NKAIN2: variants seen among roughly 807,000 people sequenced by gnomAD.
NKAIN2 encodes sodium/potassium transporting ATPase interacting 2, also known as sodium/potassium-transporting ATPase subunit beta-1-interacting protein 2.
A neutral mutation model predicts 32.6 loss-of-function variants in NKAIN2; 14 were observed. The observed-to-expected ratio is 0.43, with a 90% CI of 0.28 to 0.67. The LOEUF is 0.67. Among genes scored for constraint, NKAIN2 ranks in the 30% least tolerant of loss-of-function variants. NKAIN2 has a pLI of 0.17. For missense variants in NKAIN2, 198 were observed against 258.3 expected (o/e 0.77, Z 1.60); for synonymous variants, 80 against 87.2 (o/e 0.92, Z 0.46).
At chr6:124,131,718 G>A (rs1203723476) in intron 1 of NKAIN2, among the ~76,000 whole-genome samples, 9 of 152,132 alleles carry the variant, frequency 5.9e-5, no homozygotes, top group Non-Finnish European at 1.3e-4. Flanking sequence ...GAGCCTTGTA[G>A]GCACTCCTAG....
chr6:124,421,742 T>A (rs1774759984), intron 3 of NKAIN2, among the ~76,000 whole-genome samples: 1 of 152,034 alleles, frequency 6.6e-6, no homozygotes, highest in South Asian at 2.1e-4. Flanking sequence ...TAATAGAAGG[T>A]AAGGGTTATT....
At chr6:124,744,814 T>A (rs1423813698) in intron 4 of NKAIN2, among the ~76,000 whole-genome samples, 6 of 151,880 alleles carry the variant, frequency 4.0e-5, no homozygotes, top group Admixed American at 3.9e-4. Flanking sequence ...CTTCAGCATT[T>A]TCTATCAGTA....
intron 1 of NKAIN2, among the ~76,000 whole-genome samples, chr6:124,038,741 A>G (rs1286423478): frequency 6.6e-6 from 1 of 152,178 alleles, no homozygotes; most frequent in African/African-American, 2.4e-5. Flanking sequence ...AATTTTTGTA[A>G]TATATAACTT....
rs567691028 is a variant in NKAIN2, at chr6:124,517,565, G to A, written c.274-140621G>A. 2.0e-5 allele frequency among the ~76,000 whole-genome samples: 3 copies of A among 152,234 alleles called. No individual in the cohort carries two copies. In the East Asian group the frequency reaches 5.8e-4, roughly 29 times the overall value. On this transcript the variant is annotated intron_variant, in intron 3 of 6. Coordinates refer to ENST00000368417, the MANE Select transcript of NKAIN2 (RefSeq NM_001040214.3). Reference sequence around the variant, plus strand: ...CCCTTCGAGGCAAGGCAGACAGGAAGAATAGCAAGGCCTCTACTCTGCTCC... The same window carrying A: ...CCCTTCGAGGCAAGGCAGACAGGAAAAATAGCAAGGCCTCTACTCTGCTCC...
At chr6:124,738,833 C>T (rs1478544746) in intron 4 of NKAIN2, among the ~76,000 whole-genome samples, 1 of 151,816 alleles carries the variant, frequency 6.6e-6, no homozygotes, top group Non-Finnish European at 1.5e-5. Flanking sequence ...GTTATAAGAA[C>T]TAAAGGACAT....
chr6:124,793,678 TCAAA>T (rs1190780597), intron 5 of NKAIN2, among the ~76,000 whole-genome samples: 6 of 57,460 alleles, frequency 1.0e-4, no homozygotes, highest in East Asian at 4.2e-4. Context: ...GACATACTGC[TCAAA>T]AAAAAAAAAA....
chr6:124,701,172 C>CAA (rs1774772097), intron 4 of NKAIN2, among the ~76,000 whole-genome samples: 1 of 151,206 alleles, frequency 6.6e-6, no homozygotes, highest in South Asian at 2.1e-4. Flanking sequence ...CACACACACA[C>CAA]ACACACCGGA....
At chr6:124,123,890 G>T (rs777463819) in intron 1 of NKAIN2, among the ~76,000 whole-genome samples, 1 of 151,898 alleles carries the variant, frequency 6.6e-6, no homozygotes, top group Non-Finnish European at 1.5e-5. Flanking sequence ...GAGACATTGA[G>T]AGAGAGAGAG....
chr6:124,273,513 G>C (rs139017547), intron 1 of NKAIN2, among the ~76,000 whole-genome samples: 1 of 152,242 alleles, frequency 6.6e-6, no homozygotes, highest in African/African-American at 2.4e-5. Flanking sequence ...CTTTATAGCA[G>C]TGTGAAAATG....
intron 4 of NKAIN2, among the ~76,000 whole-genome samples, chr6:124,744,501 G>A (rs747942343): frequency 1.3e-5 from 2 of 151,646 alleles, no homozygotes; most frequent in Admixed American, 6.6e-5. Flanking sequence ...AAGTAGGTCC[G>A]AATCTATTTA....
intron 3 of NKAIN2, among the ~76,000 whole-genome samples, chr6:124,603,705 C>G (rs534597693): frequency 1.3e-5 from 2 of 151,806 alleles, no homozygotes; most frequent in African/African-American, 4.8e-5. Context: ...AATTTATTAC[C>G]CAAACTGATA....
intron 3 of NKAIN2, among the ~76,000 whole-genome samples, chr6:124,581,913 A>T (rs184705864): frequency 6.6e-6 from 1 of 152,318 alleles, no homozygotes; most frequent in Non-Finnish European, 1.5e-5. Flanking sequence ...TACATTTAAA[A>T]AGAAAATAAA....
chr6:124,717,663 C>A (rs926564744), intron 4 of NKAIN2, among the ~76,000 whole-genome samples: 2 of 152,046 alleles, frequency 1.3e-5, no homozygotes, highest in Non-Finnish European at 2.9e-5. Context: ...AAAACCATCC[C>A]TTCGTAATTA....
At chr6:124,064,193 C>A (rs147932324) in intron 1 of NKAIN2, among the ~76,000 whole-genome samples, 2 of 152,084 alleles carry the variant, frequency 1.3e-5, no homozygotes, top group Non-Finnish European at 1.5e-5. Flanking sequence ...CCTTGTCATC[C>A]GCCCACCTCA....
intron 1 of NKAIN2, among the ~76,000 whole-genome samples, chr6:124,137,918 A>G (rs150420675): frequency 0.011 from 1,649 of 152,290 alleles, 34 homozygotes; most frequent in African/African-American, 0.038. Flanking sequence ...ATTCTAGAAG[A>G]TAACATTGGT....
At chr6:123,920,999 G>C (rs764509567) in intron 1 of NKAIN2, among the ~76,000 whole-genome samples, 2 of 152,134 alleles carry the variant, frequency 1.3e-5, no homozygotes, top group Admixed American at 6.6e-5. Context: ...CTGTGGGGTG[G>C]AGTGGCAAAA....
At chr6:124,514,321 G>A (rs1391632712) in intron 3 of NKAIN2, among the ~76,000 whole-genome samples, 1 of 152,098 alleles carries the variant, frequency 6.6e-6, no homozygotes, top group Non-Finnish European at 1.5e-5. Context: ...GTAAGGATTG[G>A]ACAATACCCC....
Position 124,799,517 on chromosome 6 carries a change from A to C in NKAIN2, c.535+8118A>C, listed in dbSNP as rs2786914. Among the ~76,000 whole-genome samples, 4 of 152,224 alleles carry C rather than the reference A, an allele frequency of 2.6e-5. No individual in the cohort carries two copies. In the East Asian group the frequency reaches 7.7e-4, roughly 29 times the overall value. ...ATCGTTAAATAAATCTGATATTTCC[A>C]AGTCAAGAATATGAGGGGAAAGAAG... On this transcript the variant is annotated intron_variant, in intron 5 of 6. Coordinates refer to ENST00000368417, the MANE Select transcript of NKAIN2 (RefSeq NM_001040214.3).
At chr6:124,510,449 T>C (rs1251192297) in intron 3 of NKAIN2, among the ~76,000 whole-genome samples, 1 of 152,176 alleles carries the variant, frequency 6.6e-6, no homozygotes, top group East Asian at 1.9e-4. Context: ...AGGGGTCCAG[T>C]GTAATGCTTA....
Sources: allele counts gnomAD v4.1 joint callset (sites outside exome capture counted in the v4.1 genomes callset), GRCh38; gene constraint gnomAD v4.1.1; transcripts MANE v1.5; gene names NCBI Gene and HGNC (gene_info 2026-07-23, HGNC 2026-07-21).